MGST3: variants seen among roughly 807,000 people sequenced by gnomAD.
The protein encoded by MGST3 is microsomal glutathione S-transferase 3, also known as glutathione S-transferase 3, mitochondrial.
In MGST3, 13 loss-of-function variants were observed where a neutral mutation model predicts 15.8. That is an observed-to-expected ratio of 0.82 (90% CI 0.54 to 1.31). The LOEUF is 1.31. Ranked by LOEUF, MGST3 falls within the 50% of genes most tolerant of loss-of-function variation. The pLI, the probability that MGST3 is intolerant of heterozygous loss-of-function variation, is 0.00. For missense variants in MGST3, 155 were observed against 192.4 expected, an observed-to-expected ratio of 0.81 and a Z score of 1.15; for synonymous variants, 49 against 68.1, an observed-to-expected ratio of 0.72 and a Z score of 1.38.
intron 1 of MGST3, among the ~76,000 whole-genome samples, chr1:165,648,221 A>C (rs1027947592): frequency 1.3e-5 from 2 of 152,242 alleles, no homozygotes; most frequent in African/African-American, 4.8e-5. Context: ...GACCTGTGGA[A>C]CCAGCCCGCT....
At chr1:165,645,330 C>T (rs1347801634) in intron 1 of MGST3, among the ~76,000 whole-genome samples, 1 of 152,180 alleles carries the variant, frequency 6.6e-6, no homozygotes, top group South Asian at 2.1e-4. Context: ...TCAGGATCAT[C>T]AGTATCCGTC....
At chr1:165,652,083 GCT>G (rs749890769) in intron 4 of MGST3, 48 bp downstream of exon 4, 15 of 1,285,278 alleles carry the variant, frequency 1.2e-5, no homozygotes, top group Non-Finnish European at 1.6e-5. Context: ...AGTTCACTGA[GCT>G]ATTATCAGGG....
chr1:165,654,719 A>G (rs1571158196), intron 5 of MGST3, among the ~76,000 whole-genome samples: 1 of 151,954 alleles, frequency 6.6e-6, no homozygotes, highest in South Asian at 2.1e-4. Flanking sequence ...ATGCTACTAT[A>G]TTTTTTTTCT....
chr1:165,635,517 T>G (rs1476590854), intron 1 of MGST3, among the ~76,000 whole-genome samples: 1 of 152,136 alleles, frequency 6.6e-6, no homozygotes, highest in Admixed American at 6.6e-5. Context: ...CAAGAACCAT[T>G]CACTGGAACT....
intron 1 of MGST3, among the ~76,000 whole-genome samples, chr1:165,638,503 G>A (rs1260401102): frequency 6.6e-6 from 1 of 152,028 alleles, no homozygotes; most frequent in African/African-American, 2.4e-5. Context: ...CAAAAACCCA[G>A]CCAGGTACGG....
At chr1:165,654,116 C>T (rs1648638631) in intron 4 of MGST3, 163 bp from the exon 5 acceptor site, 1 of 690,808 alleles carries the variant, frequency 1.4e-6, no homozygotes, top group African/African-American at 1.8e-5. Context: ...ATTTTATTTT[C>T]CCGCTGAAAC....
chr1:165,650,140 G>T (rs1342133820), intron 2 of MGST3, 176 bp downstream of exon 2: 5 of 843,964 alleles, frequency 5.9e-6, no homozygotes, highest in Non-Finnish European at 9.3e-6. Context: ...AAGAAATACA[G>T]GGCCCTGCTA....
intron 4 of MGST3, among the ~76,000 whole-genome samples, chr1:165,653,386 A>T (rs1225388126): frequency 2.0e-5 from 3 of 152,326 alleles, no homozygotes; most frequent in South Asian, 4.1e-4. Context: ...GCAACATTAT[A>T]GTAAAGAAGG....
rs9333487 is a variant in MGST3 at position 165,655,645 on chromosome 1, C to T, written c.*141C>T. On this transcript the variant is annotated 3_prime_UTR_variant, in exon 6 of 6. Transcript: ENST00000367889. ...ACTCCTGACTCTTACCACTCATTTC[C>T]GTTTGAGTCTGTATCTGAAATCAGT... 89 of 1,015,952 alleles carry T rather than the reference C, an allele frequency of 8.8e-5. 2 individuals carry two copies. In the South Asian group the frequency reaches 1.3e-3, roughly 14 times the overall value. 62.9% of individuals were successfully genotyped at this position (1,015,952 alleles called of 1,614,324 possible). A position where few individuals can be genotyped will look rare whatever the true frequency, so the allele number is the denominator to read the frequency against.
chr1:165,651,223 C>A, intron 3 of MGST3, 136 bp downstream of exon 3: 2 of 768,044 alleles, frequency 2.6e-6, no homozygotes, highest in Non-Finnish European at 2.3e-6. Context: ...TAAAAGTATT[C>A]AAAAATTATG....
chr1:165,647,595 C>T (rs1648441313), intron 1 of MGST3: 1 of 152,208 alleles, frequency 6.6e-6, no homozygotes, highest in Admixed American at 6.5e-5. Flanking sequence ...TAGCCCTGCA[C>T]ATAGCCAGGG....
At chr1:165,653,397 G>T (rs1329279044) in intron 4 of MGST3, among the ~76,000 whole-genome samples, 1 of 152,130 alleles carries the variant, frequency 6.6e-6, no homozygotes, top group Non-Finnish European at 1.5e-5. Context: ...GTAAAGAAGG[G>T]CCTGGCAGAG....
chr1:165,639,839 C>G (rs192887201), intron 1 of MGST3, among the ~76,000 whole-genome samples: 1 of 152,186 alleles, frequency 6.6e-6, no homozygotes, highest in Non-Finnish European at 1.5e-5. Flanking sequence ...TCTATGGGAC[C>G]AGGTCTTATA....
chr1:165,645,388 G>A (rs1015774652), intron 1 of MGST3, among the ~76,000 whole-genome samples: 1 of 152,032 alleles, frequency 6.6e-6, no homozygotes, highest in African/African-American at 2.4e-5. Flanking sequence ...GGACACACCT[G>A]CCATGTGTGG....
rs370611361 is a variant in MGST3, at chr1:165,654,349, G to A, written c.320G>A (p.Gly107Glu). The change falls in exon 5 of 6, where the codon GGA becomes GAA. Residue 107 changes from glycine (G) to glutamate (E), a missense_variant and splice_region_variant. Gly to Glu is a moderately conservative substitution (Grantham distance 98). Coordinates refer to ENST00000367889, the MANE Select transcript of MGST3 (RefSeq NM_004528.4). ...CTTTATGCTTATGGCTATTACACGGGAGGTTAGTATATATTGACATTTGCC... is the reference window on the plus strand; with the variant it reads ...CTTTATGCTTATGGCTATTACACGGAAGGTTAGTATATATTGACATTTGCC... ...RVLYAYGYYT[G>E]EPSKRSRGAL... 1.9e-6 allele frequency: 3 copies of A among 1,613,774 alleles called. No homozygotes were observed. In the African/African-American group the frequency reaches 4.0e-5, roughly 22 times the overall value.
intron 1 of MGST3, among the ~76,000 whole-genome samples, chr1:165,645,236 C>A (rs1422905617): frequency 6.6e-6 from 1 of 152,018 alleles, no homozygotes; most frequent in African/African-American, 2.4e-5. Flanking sequence ...TTAAAACTTT[C>A]TTTTTATTTC....
Position 165,651,072 on chromosome 1 carries a change from G to T in MGST3, c.176G>T (p.Arg59Leu). 1.2e-6 allele frequency: 2 copies of T among 1,614,132 alleles called. No individual in the cohort carries two copies. Among genetic ancestry groups the T allele is most frequent in the Non-Finnish European group, 1.7e-6 (2 of 1,180,026 alleles). ...ENGHIFNCIQ[R>L]AHQNTLEVYP... ...GGGCACATCTTCAACTGCATTCAGC[G>T]AGCCCACCAGAACACGTGAGTGTCG... The change falls in exon 3 of 6, where the codon CGA (arginine) becomes CTA (leucine). Residue 59 changes from arginine to leucine, a missense_variant. By Grantham distance (102) the Arg-to-Leu change is moderately radical. Transcript: ENST00000367889.
intron 1 of MGST3, among the ~76,000 whole-genome samples, chr1:165,642,419 A>G (rs755992832): frequency 2.0e-5 from 3 of 152,198 alleles, no homozygotes; most frequent in Non-Finnish European, 4.4e-5. Context: ...ACATGATAGC[A>G]TATATTTTAA....
intron 1 of MGST3, among the ~76,000 whole-genome samples, chr1:165,632,629 TAACCA>T (rs1161986324): frequency 2.0e-5 from 3 of 152,220 alleles, no homozygotes; most frequent in African/African-American, 7.2e-5. Flanking sequence ...TGATTTTTTT[TAACCA>T]ATGTTACTAT....
Sources: gnomAD v4.1 joint callset for allele counts (sites outside exome capture counted in the v4.1 genomes callset) on GRCh38, gnomAD v4.1.1 for gene constraint, MANE v1.5 for transcripts, NCBI Gene and HGNC (gene_info 2026-07-23, HGNC 2026-07-21) for gene names.